Variants in FAF1 observed in about 807,000 individuals in gnomAD.
FAF1 encodes Fas associated factor 1.
FAF1 carries 25 observed loss-of-function variants against 92.5 expected under a neutral mutation model. That is an observed-to-expected ratio of 0.27 (90% CI 0.20 to 0.38). FAF1 has a LOEUF of 0.38. Among genes scored for constraint, FAF1 ranks in the 10% least tolerant of loss-of-function variants. The probability of loss-of-function intolerance (pLI) is 1.00; values close to 1 mark genes in which losing one functional copy is unlikely to be tolerated. For synonymous variants in FAF1, 234 were observed against 273.2 expected, an observed-to-expected ratio of 0.86 and a Z score of 1.42; for missense variants, 636 against 793.3, an observed-to-expected ratio of 0.80 and a Z score of 2.38.
At chr1:50,733,862 T>C (rs1013579561) in intron 6 of FAF1, among the ~76,000 whole-genome samples, 10 of 152,226 alleles carry the variant, frequency 6.6e-5, no homozygotes, top group African/African-American at 2.4e-4. Flanking sequence ...AGTGTTGCAA[T>C]CTCAACTCAC....
intron 1 of FAF1, among the ~76,000 whole-genome samples, chr1:50,951,530 G>A (rs146099851): frequency 2.6e-5 from 4 of 152,236 alleles, no homozygotes; most frequent in African/African-American, 9.6e-5. Flanking sequence ...AAGATCACCA[G>A]AAGAGTCAGT....
At chr1:50,637,273 T>TA (rs1172030649) in intron 8 of FAF1, among the ~76,000 whole-genome samples, 41,707 of 97,014 alleles carry the variant, frequency 0.43, 9,007 homozygotes, top group African/African-American at 0.63. Context: ...CCATTTCTAC[T>TA]AAAAAAAAAA....
rs537600385 is a variant in FAF1 at position 50,626,384 on chromosome 1, C to T, written c.744+29058G>A. On this transcript the variant is annotated intron_variant, in intron 8 of 18. Transcript: ENST00000396153. Reference sequence around the variant, plus strand: ...ATAATCCCTAAATAAAATATAAAATCACAACTGTAAATGCAATAAAAGGAC... The same window carrying T: ...ATAATCCCTAAATAAAATATAAAATTACAACTGTAAATGCAATAAAAGGAC... Among the ~76,000 whole-genome samples the T allele has an allele frequency of 2.6e-4, 40 of 152,100 alleles. No individual in the cohort carries two copies. In the South Asian group the frequency reaches 7.5e-3, roughly 28 times the overall value.
At chr1:50,561,882 G>GAAGGAAGGAAGA (rs1553227095) in intron 13 of FAF1, among the ~76,000 whole-genome samples, 7,091 of 145,192 alleles carry the variant, frequency 0.049, 263 homozygotes, top group African/African-American at 0.084. Context: ...AGGAAGGAAG[G>GAAGGAAGGAAGA]AAGGAAGGAA....
intron 2 of FAF1, among the ~76,000 whole-genome samples, chr1:50,838,554 TAA>T (rs1644231100): frequency 7.3e-6 from 1 of 137,096 alleles, no homozygotes; most frequent in Non-Finnish European, 1.6e-5. Flanking sequence ...AATTATAAAT[TAA>T]AAATATATAT....
At chr1:50,711,701 G>A (rs778447965) in intron 6 of FAF1, among the ~76,000 whole-genome samples, 1 of 152,012 alleles carries the variant, frequency 6.6e-6, no homozygotes, top group African/African-American at 2.4e-5. Flanking sequence ...TCCTGACCTC[G>A]TGATCTGCCC....
At position 50,827,083 on chromosome 1, in the gene FAF1, G is replaced by C. The variant is rs558172179; in HGVS notation, c.115-25406C>G. ...CCACCCCGTCTGGGAGGTGAGGAGC[G>C]CCTCTGCCCGGCCACCCCATCTGGG... On this transcript the variant is annotated intron_variant, in intron 2 of 18. Coordinates refer to ENST00000396153, the MANE Select transcript of FAF1 (RefSeq NM_007051.3). 5.3e-5 allele frequency among the ~76,000 whole-genome samples: 8 copies of C among 151,842 alleles called. No homozygotes were observed. In the South Asian group the frequency reaches 1.5e-3, roughly 28 times the overall value.
At chr1:50,870,978 T>C (rs1480250312) in intron 1 of FAF1, among the ~76,000 whole-genome samples, 2 of 152,220 alleles carry the variant, frequency 1.3e-5, no homozygotes, top group African/African-American at 4.8e-5. Flanking sequence ...GGAAAAGTTC[T>C]TGAGGGAAAT....
intron 4 of FAF1, among the ~76,000 whole-genome samples, chr1:50,777,758 A>G (rs1480499771): frequency 6.6e-6 from 1 of 151,790 alleles, no homozygotes; most frequent in African/African-American, 2.4e-5. Flanking sequence ...AAAAAAAAAA[A>G]GGAAATTCAG....
At chr1:50,568,445 A>ATAATAG (rs1360805950) in intron 12 of FAF1, among the ~76,000 whole-genome samples, 13 of 152,190 alleles carry the variant, frequency 8.5e-5, no homozygotes, top group Admixed American at 8.5e-4. Flanking sequence ...AAGAATCCAA[A>ATAATAG]TAATAGTAAT....
At chr1:50,770,361 A>C (rs1052772942) in intron 4 of FAF1, among the ~76,000 whole-genome samples, 10 of 152,190 alleles carry the variant, frequency 6.6e-5, no homozygotes, top group Non-Finnish European at 1.3e-4. Flanking sequence ...GAAACTCCAC[A>C]ATATCTGTCC....
intron 1 of FAF1, among the ~76,000 whole-genome samples, chr1:50,927,471 A>G (rs146426576): frequency 0.013 from 1,983 of 152,212 alleles, 43 homozygotes; most frequent in African/African-American, 0.044. Context: ...AGTCCCAGCT[A>G]CTTGGGAGGC....
At chr1:50,953,154 C>A (rs1042245505) in intron 1 of FAF1, among the ~76,000 whole-genome samples, 1 of 152,066 alleles carries the variant, frequency 6.6e-6, no homozygotes, top group Admixed American at 6.6e-5. Context: ...GGATTAAGGG[C>A]GGTGCAAGAT....
chr1:50,839,355 A>G (rs568168739), intron 2 of FAF1, among the ~76,000 whole-genome samples: 13 of 152,258 alleles, frequency 8.5e-5, no homozygotes, highest in Non-Finnish European at 1.8e-4. Flanking sequence ...AAAATTCACA[A>G]TATTTGTTTG....
intron 2 of FAF1, among the ~76,000 whole-genome samples, chr1:50,815,450 C>T (rs1220687032): frequency 2.0e-5 from 3 of 152,164 alleles, no homozygotes; most frequent in Non-Finnish European, 4.4e-5. Context: ...ACCATATTTT[C>T]ATTATCCACT....
chr1:50,879,040 G>A (rs1644591468), intron 1 of FAF1, among the ~76,000 whole-genome samples: 1 of 152,140 alleles, frequency 6.6e-6, no homozygotes, highest in Admixed American at 6.6e-5. Context: ...GAGGTCAGGA[G>A]TTCAAAACAA....
chr1:50,836,170 G>GTTTTTTGTTTTTTTTTTTTTTT (rs1553144966), intron 2 of FAF1, among the ~76,000 whole-genome samples: 1 of 98,526 alleles, frequency 1.0e-5, no homozygotes, highest in African/African-American at 4.3e-5. Context: ...TTTTGTTTCT[G>GTTTTTTGTTTTTTTTTTTTTTT]TTTTTTTTTT....
intron 1 of FAF1, among the ~76,000 whole-genome samples, chr1:50,918,213 C>CT (rs1206610460): frequency 7.9e-6 from 1 of 126,232 alleles, no homozygotes; most frequent in Non-Finnish European, 1.7e-5. Flanking sequence ...TAATTATACT[C>CT]TAAGTTTTAG....
intron 4 of FAF1, among the ~76,000 whole-genome samples, chr1:50,769,296 T>A (rs531344218): frequency 6.6e-6 from 1 of 152,258 alleles, no homozygotes; most frequent in South Asian, 2.1e-4. Context: ...ATTGAATGAA[T>A]AATAAAAAGC....
Sources: gnomAD v4.1 joint callset for allele counts (sites outside exome capture counted in the v4.1 genomes callset) on GRCh38, gnomAD v4.1.1 for gene constraint, MANE v1.5 for transcripts, NCBI Gene and HGNC (gene_info 2026-07-23, HGNC 2026-07-21) for gene names.